The following CACFD1 variants were observed in gnomAD, a reference collection of about 807,000 sequenced individuals.
CACFD1 encodes calcium channel flower homolog.
In CACFD1, 26 loss-of-function variants were observed where a neutral mutation model predicts 21.3. That is an observed-to-expected ratio of 1.22 (90% CI 0.89 to 1.69). The LOEUF (loss-of-function observed/expected upper bound fraction) is 1.69. Among genes scored for constraint, CACFD1 ranks in the 40% most tolerant of loss-of-function variants. The probability of loss-of-function intolerance (pLI) is 0.00; values close to 1 mark genes in which losing one functional copy is unlikely to be tolerated. For missense variants in CACFD1, 265 were observed against 236.2 expected, an observed-to-expected ratio of 1.12 and a Z score of -0.80; for synonymous variants, 121 against 106.6, an observed-to-expected ratio of 1.13 and a Z score of -0.83.
At chr9:133,463,274 C>A in intron 1 of CACFD1, 1 of 425,338 alleles carries the variant, frequency 2.4e-6, no homozygotes, top group Non-Finnish European at 3.1e-6. Context: ...TGCCACCTTG[C>A]TGTGGGGCCT....
rs1054379 is a variant in CACFD1, at chr9:133,470,702, C to T, written c.*2049C>T. 13,727 of 152,666 alleles carry T rather than the reference C, an allele frequency of 0.09. 663 individuals carry two copies. The highest frequency in any genetic ancestry group is 0.15 in the Middle Eastern group (46 of 298). The allele number at this position is 152,666 out of a possible 1,614,324, so 9.5% of individuals were successfully genotyped here. A position where few individuals can be genotyped will look rare whatever the true frequency, so the allele number is the denominator to read the frequency against. ...TGGGCTGTGTGTGGCGCCCTTTCCT[C>T]CTTGTTTGTTCCTCTGTGTTCTGTG... On this transcript the variant is annotated 3_prime_UTR_variant, in exon 5 of 5. Coordinates refer to ENST00000316948, the MANE Select transcript of CACFD1 (RefSeq NM_017586.5).
intron 1 of CACFD1, among the ~76,000 whole-genome samples, chr9:133,461,409 C>T (rs1184186755): frequency 4.6e-5 from 7 of 152,234 alleles, no homozygotes; most frequent in Admixed American, 4.6e-4. Context: ...CTCTTCAGGG[C>T]AAGTACGCTT....
chr9:133,468,667 C>T lies in CACFD1; in HGVS notation c.*14C>T, dbSNP rs782066008. 9 of 1,556,320 alleles carry T rather than the reference C, an allele frequency of 5.8e-6. No homozygotes were observed. Among genetic ancestry groups the T allele is most frequent in the Non-Finnish European group, 6.9e-6 (8 of 1,152,756 alleles). On this transcript the variant is annotated 3_prime_UTR_variant, in exon 5 of 5. Coordinates refer to ENST00000316948, the MANE Select transcript of CACFD1 (RefSeq NM_017586.5). ...GGGGAGCTGTGAAGGGCTGGGCGCC[C>T]CTCCCTCCCTGTCCCCTCTTCTGGC...
chr9:133,464,147 G>A (rs1843334125), intron 2 of CACFD1, among the ~76,000 whole-genome samples: 1 of 152,258 alleles, frequency 6.6e-6, no homozygotes, highest in African/African-American at 2.4e-5. Flanking sequence ...GGGCAGGCCC[G>A]TGTGGCTTGG....
Position 133,468,822 on chromosome 9 carries a change from G to T in CACFD1, c.*169G>T. On this transcript the variant is annotated 3_prime_UTR_variant, in exon 5 of 5. Coordinates refer to ENST00000316948, the MANE Select transcript of CACFD1 (RefSeq NM_017586.5). ...AGACTGGCTTAAGCCAGGAGCCACT[G>T]GCTGCTGGTGTGAGGGTCTGGGCTG... The T allele has an allele frequency of 8.2e-7, 1 of 1,217,420 alleles. No individual in the cohort carries two copies. Among genetic ancestry groups the T allele is most frequent in the Non-Finnish European group, 1.1e-6 (1 of 904,128 alleles). 75.4% of individuals were successfully genotyped at this position (1,217,420 alleles called of 1,614,324 possible).
At chr9:133,463,617 T>C in intron 2 of CACFD1, 62 bp downstream of exon 2, 1 of 1,558,250 alleles carries the variant, frequency 6.4e-7, no homozygotes, top group Non-Finnish European at 8.8e-7. Flanking sequence ...GCTGGGCACC[T>C]CCCGGGACAG....
Position 133,465,514 on chromosome 9 carries a change from A to C in CACFD1, c.320+67A>C. 6.7e-7 allele frequency: 1 copy of C among 1,501,754 alleles called. No individual in the cohort carries two copies. Among genetic ancestry groups the C allele is most frequent in the Non-Finnish European group, 9.1e-7 (1 of 1,103,190 alleles). 93.0% of individuals were successfully genotyped at this position (1,501,754 alleles called of 1,614,324 possible). Reference sequence around the variant, plus strand: ...AAACCCCACTGACAAAATAGGACCCAAAAGTCAGGTGAGGGTGGGCAGTGT... The same window carrying C: ...AAACCCCACTGACAAAATAGGACCCCAAAGTCAGGTGAGGGTGGGCAGTGT... On this transcript the variant is annotated intron_variant, in intron 3 of 4. Coordinates refer to ENST00000316948, the MANE Select transcript of CACFD1 (RefSeq NM_017586.5). This position sits in a 1 kb window ranked among gnomAD's most constrained non-coding sequence, Gnocchi z 5.0.
At position 133,470,778 on chromosome 9, in the gene CACFD1, TC is replaced by T. The variant is rs1216933311; in HGVS notation, c.*2128del. On this transcript the variant is annotated 3_prime_UTR_variant, in exon 5 of 5. Coordinates refer to ENST00000316948, the MANE Select transcript of CACFD1 (RefSeq NM_017586.5). Reference sequence around the variant, plus strand: ...CGTGGCTCGCGTGCCTGCCCTCTGCTCCCTTCTGCCTTGGTGCCTGTGTGTG... The same window carrying T: ...CGTGGCTCGCGTGCCTGCCCTCTGCTCCTTCTGCCTTGGTGCCTGTGTGTG... The T allele has an allele frequency of 1.3e-5, 2 of 152,454 alleles. No homozygotes were observed. Among genetic ancestry groups the T allele is most frequent in the Non-Finnish European group, 2.9e-5 (2 of 68,288 alleles). 9.4% of individuals were successfully genotyped at this position (152,454 alleles called of 1,614,324 possible).
chr9:133,468,537 G>C (rs372060764), intron 4 of CACFD1, 26 bp from the exon 5 acceptor site: 1 of 1,559,598 alleles, frequency 6.4e-7, no homozygotes, highest in South Asian at 1.2e-5. Flanking sequence ...GGTGCTCCAC[G>C]TGACGCTGCC....
At chr9:133,464,282 C>G (rs1554799097) in intron 2 of CACFD1, among the ~76,000 whole-genome samples, 1 of 152,118 alleles carries the variant, frequency 6.6e-6, no homozygotes. Flanking sequence ...CAGTGGAGAG[C>G]CTCGGGGGCC....
At position 133,465,499 on chromosome 9, in the gene CACFD1, G is replaced by T; in HGVS notation, c.320+52G>T. On this transcript the variant is annotated intron_variant, in intron 3 of 4. Transcript: ENST00000316948. The surrounding 1 kb of genome is among the most constrained non-coding windows in gnomAD (Gnocchi z 5.0). ...TGACACAGTTCCCCAAAACCCCACT[G>T]ACAAAATAGGACCCAAAAGTCAGGT... The T allele has an allele frequency of 6.5e-7, 1 of 1,547,624 alleles. No individual in the cohort carries two copies. Among genetic ancestry groups the T allele is most frequent in the South Asian group, 1.2e-5 (1 of 81,678 alleles).
chr9:133,465,250 C>A lies in CACFD1; in HGVS notation c.195-72C>A, dbSNP rs587767694. 6.4e-4 allele frequency: 1,007 copies of A among 1,569,374 alleles called. 3 individuals carry two copies. Among genetic ancestry groups the A allele is most frequent in the South Asian group, 2.2e-3 (201 of 90,146 alleles). ...GAGGGAGGTGGCATTCCTTATGGCA[C>A]TGGCACTGGGGGCCGCCCTCATCCT... On this transcript the variant is annotated intron_variant, in intron 2 of 4. Coordinates refer to ENST00000316948, the MANE Select transcript of CACFD1 (RefSeq NM_017586.5). This position sits in a 1 kb window ranked among gnomAD's most constrained non-coding sequence, Gnocchi z 5.0.
intron 1 of CACFD1, among the ~76,000 whole-genome samples, chr9:133,462,852 G>A (rs1415491943): frequency 6.6e-6 from 1 of 152,250 alleles, no homozygotes; most frequent in Non-Finnish European, 1.5e-5. Flanking sequence ...TGGCTGGGCT[G>A]TGGGACTTGC....
chr9:133,462,334 GAT>G (rs1407474399), intron 1 of CACFD1: 3 of 1,278,102 alleles, frequency 2.3e-6, no homozygotes, highest in Non-Finnish European at 3.1e-6. Flanking sequence ...TCTGAAGGCA[GAT>G]GTCTAAGGCT....
Position 133,462,022 on chromosome 9 carries a change from C to T in CACFD1, c.122-1461C>T, listed in dbSNP as rs1843238121. 6 of 1,265,930 alleles carry T rather than the reference C, an allele frequency of 4.7e-6. No individual in the cohort carries two copies. The South Asian group carries it at 8.1e-5, about 17-fold the overall frequency. The allele number at this position is 1,265,930 out of a possible 1,614,324, so 78.4% of individuals were successfully genotyped here. ...GGATTGCATGGTGACAGCCCCCTCA[C>T]GTGGAAGATATCAGCATTGAGGCCC... On this transcript the variant is annotated intron_variant, in intron 1 of 4. Coordinates refer to ENST00000316948, the MANE Select transcript of CACFD1 (RefSeq NM_017586.5).
chr9:133,464,399 C>T (rs1307197510), intron 2 of CACFD1, among the ~76,000 whole-genome samples: 1 of 152,080 alleles, frequency 6.6e-6, no homozygotes, highest in Non-Finnish European at 1.5e-5. Context: ...CGGAGCCTGG[C>T]CGAGTTTGAA....
In CACFD1 at chr9:133,468,898, ACTC is replaced by A. The variant is rs1456759210; in HGVS notation, c.*249_*251del. 3 of 566,974 alleles carry A rather than the reference ACTC, an allele frequency of 5.3e-6. No homozygotes were observed. Among genetic ancestry groups the A allele is most frequent in the Admixed American group, 3.5e-5 (1 of 28,584 alleles). 35.1% of individuals were successfully genotyped at this position (566,974 alleles called of 1,614,324 possible). On this transcript the variant is annotated 3_prime_UTR_variant, in exon 5 of 5. Coordinates refer to ENST00000316948, the MANE Select transcript of CACFD1 (RefSeq NM_017586.5). Reference sequence around the variant, plus strand: ...AGCTGTGTGGACACTACCCAGCCCTACTCCTCTGCTGGGTGGGTCTGCAGATCT... The same window carrying A: ...AGCTGTGTGGACACTACCCAGCCCTACTCTGCTGGGTGGGTCTGCAGATCT...
chr9:133,461,605 C>T (rs1230598857), intron 1 of CACFD1, among the ~76,000 whole-genome samples: 1 of 152,200 alleles, frequency 6.6e-6, no homozygotes, highest in East Asian at 1.9e-4. Flanking sequence ...TGGTCAGTGG[C>T]CCTGCCGACT....
intron 1 of CACFD1, among the ~76,000 whole-genome samples, chr9:133,461,345 G>A (rs1205999667): frequency 6.6e-6 from 1 of 152,218 alleles, no homozygotes; most frequent in Non-Finnish European, 1.5e-5. Context: ...CAACGGATAC[G>A]GTAGGGCAGG....
Sources: allele counts gnomAD v4.1 joint callset (sites outside exome capture counted in the v4.1 genomes callset), GRCh38; gene constraint gnomAD v4.1.1; non-coding constraint Gnocchi (gnomAD v3.1); transcripts MANE v1.5; gene names NCBI Gene and HGNC (gene_info 2026-07-23, HGNC 2026-07-21).